The following STXBP5L variants were observed in gnomAD, a reference collection of about 807,000 sequenced individuals.
STXBP5L encodes the protein syntaxin binding protein 5L, also known as syntaxin-binding protein 5-like.
In STXBP5L, 65 loss-of-function variants were observed where a neutral mutation model predicts 144.5. The ratio of observed to expected loss-of-function variants is 0.45; its 90% CI spans 0.37 to 0.55. STXBP5L has a LOEUF of 0.55. STXBP5L is among the 20% of genes least tolerant of loss of function. The probability of loss-of-function intolerance (pLI) is 0.00; values close to 1 mark genes in which losing one functional copy is unlikely to be tolerated. For synonymous variants in STXBP5L, 505 were observed against 469.6 expected (o/e 1.08, Z -0.97); for missense variants, 1,298 against 1,405.5 (o/e 0.92, Z 1.22).
At chr3:120,979,292 G>C (rs568052605) in intron 3 of STXBP5L, among the ~76,000 whole-genome samples, 2 of 152,190 alleles carry the variant, frequency 1.3e-5, no homozygotes, top group African/African-American at 4.8e-5. Flanking sequence ...CTTGCAGTTT[G>C]ATCTCAGACT....
chr3:121,248,715 T>G (rs536894563), intron 14 of STXBP5L, among the ~76,000 whole-genome samples: 1 of 152,352 alleles, frequency 6.6e-6, no homozygotes, highest in South Asian at 2.1e-4. Context: ...ATAAATTCTT[T>G]GCCAAGGCTG....
chr3:121,015,230 A>G (rs771519591), intron 3 of STXBP5L, among the ~76,000 whole-genome samples: 3 of 152,194 alleles, frequency 2.0e-5, no homozygotes, highest in Non-Finnish European at 4.4e-5. Flanking sequence ...GGATTAATAT[A>G]AGAATTTATG....
chr3:121,132,612 A>G (rs887527853), intron 7 of STXBP5L, among the ~76,000 whole-genome samples: 1 of 152,192 alleles, frequency 6.6e-6, no homozygotes. Flanking sequence ...AGTCAAGGAA[A>G]ATGAAGAATC....
At chr3:121,159,673 A>G (rs1396395466) in intron 9 of STXBP5L, among the ~76,000 whole-genome samples, 1 of 126,350 alleles carries the variant, frequency 7.9e-6, no homozygotes, top group East Asian at 2.3e-4. Context: ...TCTTTCGCCC[A>G]GGCTGGACTG....
chr3:121,265,823 A>G (rs551688423), intron 18 of STXBP5L, among the ~76,000 whole-genome samples: 1 of 152,194 alleles, frequency 6.6e-6, no homozygotes, highest in Non-Finnish European at 1.5e-5. Flanking sequence ...ACAAGCTACC[A>G]TCAGAGAATA....
At chr3:121,062,343 G>T (rs183926489) in intron 5 of STXBP5L, among the ~76,000 whole-genome samples, 3,965 of 152,248 alleles carry the variant, frequency 0.026, 73 homozygotes, top group Middle Eastern at 0.061. Context: ...GGCTGGTAGG[G>T]TTTCTGCAGA....
At chr3:121,297,152 G>C (rs563536901) in intron 19 of STXBP5L, among the ~76,000 whole-genome samples, 1 of 151,834 alleles carries the variant, frequency 6.6e-6, no homozygotes, top group African/African-American at 2.4e-5. Flanking sequence ...TAAAGCTACA[G>C]CCCAGCCCCA....
intron 3 of STXBP5L, among the ~76,000 whole-genome samples, chr3:120,976,315 T>A (rs911714978): frequency 2.0e-5 from 3 of 152,226 alleles, no homozygotes; most frequent in Admixed American, 6.5e-5. Context: ...TTCCTAGATT[T>A]TCTAGTTTAT....
intron 23 of STXBP5L, among the ~76,000 whole-genome samples, chr3:121,411,538 C>T (rs2047114757): frequency 6.6e-6 from 1 of 151,926 alleles, no homozygotes; most frequent in Non-Finnish European, 1.5e-5. Context: ...AAACAGTATC[C>T]AAAAGGACAT....
At chr3:121,038,250 T>C (rs1200078764) in intron 3 of STXBP5L, among the ~76,000 whole-genome samples, 2 of 151,986 alleles carry the variant, frequency 1.3e-5, no homozygotes, top group African/African-American at 4.8e-5. Context: ...TAAGATCTTT[T>C]TCTTTGCTAA....
chr3:121,401,751 G>A (rs1321702819), intron 22 of STXBP5L, among the ~76,000 whole-genome samples: 2 of 83,250 alleles, frequency 2.4e-5, no homozygotes, highest in African/African-American at 8.1e-5. Flanking sequence ...TGGTGGGGTC[G>A]GGGGAGGGGG....
intron 9 of STXBP5L, among the ~76,000 whole-genome samples, chr3:121,185,802 A>T (rs2047355711): frequency 6.7e-6 from 1 of 149,262 alleles, no homozygotes; most frequent in Non-Finnish European, 1.5e-5. Context: ...TTCCATATGA[A>T]CTTTAAAGTT....
At chr3:121,347,378 A>C (rs1434139097) in intron 20 of STXBP5L, among the ~76,000 whole-genome samples, 4 of 152,194 alleles carry the variant, frequency 2.6e-5, no homozygotes, top group East Asian at 3.9e-4. Context: ...GTTTGAAGTC[A>C]GGTAGCTTGA....
chr3:121,383,995 T>C (rs1454408062), intron 22 of STXBP5L, among the ~76,000 whole-genome samples: 1 of 152,170 alleles, frequency 6.6e-6, no homozygotes, highest in Non-Finnish European at 1.5e-5. Flanking sequence ...ATGCATCTTT[T>C]TTCCTGTGAG....
intron 20 of STXBP5L, among the ~76,000 whole-genome samples, chr3:121,347,489 TG>T (rs1232892726): frequency 3.9e-5 from 6 of 152,202 alleles, no homozygotes; most frequent in African/African-American, 1.4e-4. Flanking sequence ...TCCAATTCTG[TG>T]AAGAAAGTCA....
intron 22 of STXBP5L, among the ~76,000 whole-genome samples, chr3:121,401,632 A>T (rs1273129889): frequency 1.6e-5 from 2 of 127,424 alleles, no homozygotes; most frequent in Non-Finnish European, 3.2e-5. Flanking sequence ...TTCTCAGTAA[A>T]CTATCGCAAG....
intron 19 of STXBP5L, among the ~76,000 whole-genome samples, chr3:121,313,188 C>T (rs1206012499): frequency 2.1e-4 from 30 of 142,954 alleles, no homozygotes; most frequent in African/African-American, 6.4e-4. Flanking sequence ...CCTCACCTCC[C>T]GGACGGGGCG....
chr3:121,203,919 C>G (rs1364349279), intron 9 of STXBP5L, among the ~76,000 whole-genome samples: 1 of 152,102 alleles, frequency 6.6e-6, no homozygotes, highest in Non-Finnish European at 1.5e-5. Context: ...CCAGTAATCT[C>G]CAACCATCTA....
chr3:121,044,995 C>G (rs1576760680), intron 4 of STXBP5L, among the ~76,000 whole-genome samples: 1 of 152,068 alleles, frequency 6.6e-6, no homozygotes, highest in Admixed American at 6.6e-5. Context: ...TCCAAATATA[C>G]AGAAAATTCT....
Sources: gnomAD v4.1 joint callset for allele counts (sites outside exome capture counted in the v4.1 genomes callset) on GRCh38, gnomAD v4.1.1 for gene constraint, MANE v1.5 for transcripts, NCBI Gene and HGNC (gene_info 2026-07-23, HGNC 2026-07-21) for gene names.